The following ARHGAP42 variants were observed in gnomAD, a reference collection of about 807,000 sequenced individuals.
ARHGAP42 encodes the protein rho GTPase-activating protein 42.
Under a neutral mutation model 125.0 loss-of-function variants are expected in ARHGAP42, and 63 were observed. That is an observed-to-expected ratio of 0.50 (90% CI 0.41 to 0.62). The LOEUF is 0.62. Ranked by LOEUF, ARHGAP42 falls within the 20% of genes least tolerant of loss-of-function variation. ARHGAP42 has a pLI of 0.00. For missense variants in ARHGAP42, 766 were observed against 1,024.2 expected (o/e 0.75, Z 3.44); for synonymous variants, 339 against 351.0 (o/e 0.97, Z 0.38).
At position 100,961,669 on chromosome 11, in the gene ARHGAP42, T is replaced by C; in HGVS notation, c.1301-15T>C. On this transcript the variant is annotated splice_polypyrimidine_tract_variant and intron_variant, in intron 14 of 23. Transcript: ENST00000298815. Reference sequence around the variant, plus strand: ...TGAACTGCACAATTTAAACACCTTGTTTTATTCTTTCCAGCTCCTAAATCC... The same window carrying C: ...TGAACTGCACAATTTAAACACCTTGCTTTATTCTTTCCAGCTCCTAAATCC... 1 of 1,549,058 alleles carries C rather than the reference T, an allele frequency of 6.5e-7. No homozygotes were observed. The highest frequency in any genetic ancestry group is 2.4e-5 in the East Asian group (1 of 40,872).
At chr11:100,878,118 T>G (rs1865868531) in intron 4 of ARHGAP42, among the ~76,000 whole-genome samples, 1 of 151,812 alleles carries the variant, frequency 6.6e-6, no homozygotes, top group Non-Finnish European at 1.5e-5. Context: ...CAATTTCCTA[T>G]TCCTTCTATT....
chr11:100,799,178 G>C (rs747300808), intron 3 of ARHGAP42, among the ~76,000 whole-genome samples: 14 of 152,200 alleles, frequency 9.2e-5, no homozygotes, highest in Non-Finnish European at 1.6e-4. Context: ...GTACGATTCA[G>C]GTGATATTAC....
intron 3 of ARHGAP42, among the ~76,000 whole-genome samples, chr11:100,819,309 T>G (rs753195140): frequency 6.6e-6 from 1 of 152,136 alleles, no homozygotes; most frequent in Admixed American, 6.5e-5. Flanking sequence ...TGATAACTCC[T>G]CTAGTGGAGA....
chr11:100,816,152 T>C (rs2135067724), intron 3 of ARHGAP42, among the ~76,000 whole-genome samples: 1 of 152,328 alleles, frequency 6.6e-6, no homozygotes, highest in African/African-American at 2.4e-5. Flanking sequence ...TTTCAATTCT[T>C]TTGGATACAG....
intron 4 of ARHGAP42, among the ~76,000 whole-genome samples, chr11:100,861,111 C>G (rs982695272): frequency 2.0e-5 from 3 of 152,068 alleles, no homozygotes; most frequent in African/African-American, 7.2e-5. Context: ...TCCAGGAAAT[C>G]AACAAATGTC....
chr11:100,712,110 C>T (rs1257098752), intron 1 of ARHGAP42, among the ~76,000 whole-genome samples: 1 of 152,146 alleles, frequency 6.6e-6, no homozygotes, highest in Non-Finnish European at 1.5e-5. Flanking sequence ...CTTGCCTTTT[C>T]TTCCTTTCTA....
intron 4 of ARHGAP42, among the ~76,000 whole-genome samples, chr11:100,891,256 C>G (rs558579298): frequency 1.3e-5 from 2 of 152,230 alleles, no homozygotes; most frequent in African/African-American, 4.8e-5. Context: ...CCGTAGCAAG[C>G]TCCTAATGTC....
chr11:100,689,436 T>G lies in ARHGAP42; in HGVS notation c.154+1604T>G, dbSNP rs191941734. 2.6e-5 allele frequency among the ~76,000 whole-genome samples: 4 copies of G among 152,324 alleles called. No homozygotes were observed. In the East Asian group the frequency reaches 7.7e-4, roughly 29 times the overall value. On this transcript the variant is annotated intron_variant, in intron 1 of 23. Transcript: ENST00000298815. ...AGATATTCTACATTTTTCTCCCCGCTCTGCTTGAGATAAACTTTAGTGTTT... is the reference window on the plus strand; with the variant it reads ...AGATATTCTACATTTTTCTCCCCGCGCTGCTTGAGATAAACTTTAGTGTTT...
intron 1 of ARHGAP42, among the ~76,000 whole-genome samples, chr11:100,701,642 T>C (rs1861399212): frequency 6.6e-6 from 1 of 152,254 alleles, no homozygotes; most frequent in Non-Finnish European, 1.5e-5. Context: ...CTTCTGCAGC[T>C]TCTTCACCTC....
chr11:100,935,656 T>TCACACACA (rs370952044), intron 7 of ARHGAP42, among the ~76,000 whole-genome samples: 15 of 140,610 alleles, frequency 1.1e-4, no homozygotes, highest in East Asian at 6.1e-4. Context: ...AGGAAGAAGG[T>TCACACACA]CACACACACA....
chr11:100,856,736 G>A (rs115702823), intron 3 of ARHGAP42, among the ~76,000 whole-genome samples: 1 of 152,184 alleles, frequency 6.6e-6, no homozygotes, highest in African/African-American at 2.4e-5. Context: ...TCATTTGGGG[G>A]AAACTATAAG....
chr11:100,940,772 TTTATTCA>T (rs1867862269), intron 8 of ARHGAP42, among the ~76,000 whole-genome samples: 2 of 152,172 alleles, frequency 1.3e-5, no homozygotes, highest in South Asian at 4.1e-4. Context: ...GATTCATTCC[TTTATTCA>T]TTATTCATTT....
intron 22 of ARHGAP42, among the ~76,000 whole-genome samples, chr11:100,980,579 T>C (rs1858515301): frequency 8.2e-6 from 1 of 122,488 alleles, no homozygotes; most frequent in African/African-American, 3.0e-5. Flanking sequence ...TTTTTTTTTT[T>C]TTTTTTTTTT....
At chr11:100,860,849 A>G (rs1865429164) in intron 4 of ARHGAP42, among the ~76,000 whole-genome samples, 1 of 152,192 alleles carries the variant, frequency 6.6e-6, no homozygotes, top group Non-Finnish European at 1.5e-5. Flanking sequence ...TTTCGAGTGA[A>G]GGACTAAAAT....
At chr11:100,875,461 C>T (rs985065920) in intron 4 of ARHGAP42, among the ~76,000 whole-genome samples, 1 of 152,266 alleles carries the variant, frequency 6.6e-6, no homozygotes, top group South Asian at 2.1e-4. Context: ...GCACCTGCCC[C>T]TTGACCTTGG....
intron 5 of ARHGAP42, 65 bp from the exon 6 acceptor site, chr11:100,921,429 G>T: frequency 2.5e-6 from 3 of 1,179,462 alleles, no homozygotes; most frequent in South Asian, 1.4e-5. Context: ...AAAGATACCA[G>T]AGCAGGAATT....
chr11:100,850,427 A>G (rs1366419068), intron 3 of ARHGAP42, among the ~76,000 whole-genome samples: 7 of 152,194 alleles, frequency 4.6e-5, no homozygotes. Context: ...GCAATGTCAC[A>G]ACAGCTATGA....
intron 3 of ARHGAP42, 33 bp downstream of exon 3, chr11:100,795,199 C>T (rs900230756): frequency 5.3e-5 from 78 of 1,460,480 alleles, no homozygotes; most frequent in Non-Finnish European, 7.0e-5. Context: ...AAGAATATTG[C>T]TTTGTTTCAA....
At chr11:100,867,010 T>C (rs10128729) in intron 4 of ARHGAP42, among the ~76,000 whole-genome samples, 42,609 of 151,994 alleles carry the variant, frequency 0.28, 6,143 homozygotes, top group Non-Finnish European at 0.31. Flanking sequence ...TAAGGAACCT[T>C]TTTTCCTTAG....
Sources: gnomAD v4.1 joint callset for allele counts (sites outside exome capture counted in the v4.1 genomes callset) on GRCh38, gnomAD v4.1.1 for gene constraint, MANE v1.5 for transcripts, NCBI Gene and HGNC (gene_info 2026-07-23, HGNC 2026-07-21) for gene names.